RIMS1: variants seen among roughly 807,000 people sequenced by gnomAD.
The protein encoded by RIMS1 is regulating synaptic membrane exocytosis protein 1.
Under a neutral mutation model 214.1 loss-of-function variants are expected in RIMS1, and 83 were observed. The ratio of observed to expected loss-of-function variants is 0.39; its 90% confidence interval spans 0.32 to 0.47. RIMS1 has a LOEUF of 0.47. Among genes scored for constraint, RIMS1 ranks in the 20% least tolerant of loss-of-function variants. The pLI is 0.99. For synonymous variants in RIMS1, 793 were observed against 786.8 expected, an observed-to-expected ratio of 1.01 and a Z score of -0.13; for missense variants, 2,050 against 2,161.8, an observed-to-expected ratio of 0.95 and a Z score of 1.03.
At chr6:72,046,605 G>A (rs1427462832) in intron 2 of RIMS1, among the ~76,000 whole-genome samples, 1 of 152,002 alleles carries the variant, frequency 6.6e-6, no homozygotes, top group African/African-American at 2.4e-5. Flanking sequence ...ATGGAACAGG[G>A]CAAGGTTGTT....
At chr6:72,107,335 T>C (rs2034967900) in intron 4 of RIMS1, among the ~76,000 whole-genome samples, 1 of 151,690 alleles carries the variant, frequency 6.6e-6, no homozygotes. Context: ...CTGCGGGGAG[T>C]GGATCACCTG....
intron 28 of RIMS1, among the ~76,000 whole-genome samples, chr6:72,327,984 C>T (rs2154332375): frequency 6.6e-6 from 1 of 151,900 alleles, no homozygotes. Flanking sequence ...AAATACCATT[C>T]TACTATAAAG....
intron 2 of RIMS1, among the ~76,000 whole-genome samples, chr6:72,015,722 C>T (rs981274829): frequency 3.3e-5 from 5 of 151,958 alleles, no homozygotes; most frequent in African/African-American, 7.3e-5. Flanking sequence ...GTCAGGAGAT[C>T]GAGACCATCC....
At chr6:72,069,643 A>C (rs373743372) in intron 2 of RIMS1, among the ~76,000 whole-genome samples, 1 of 152,138 alleles carries the variant, frequency 6.6e-6, no homozygotes, top group Admixed American at 6.5e-5. Flanking sequence ...CCTATGATCT[A>C]TATGTTGCTG....
At chr6:71,900,206 A>C (rs941460242) in intron 1 of RIMS1, among the ~76,000 whole-genome samples, 2 of 152,056 alleles carry the variant, frequency 1.3e-5, no homozygotes, top group Admixed American at 1.3e-4. Context: ...TCTAGAAGTA[A>C]AGAATGAGAG....
chr6:72,110,361 A>G (rs1282001047), intron 4 of RIMS1, among the ~76,000 whole-genome samples: 2 of 151,796 alleles, frequency 1.3e-5, no homozygotes, highest in African/African-American at 4.8e-5. Flanking sequence ...ATTTGTTTGT[A>G]TCCTCTTTTA....
At chr6:72,148,146 G>A (rs2042997479) in intron 4 of RIMS1, among the ~76,000 whole-genome samples, 1 of 152,130 alleles carries the variant, frequency 6.6e-6, no homozygotes, top group Non-Finnish European at 1.5e-5. Context: ...TTCCAGTTTG[G>A]GGGATTCATC....
chr6:72,303,585 A>ACAT (rs1405590672), intron 26 of RIMS1, among the ~76,000 whole-genome samples: 3 of 151,334 alleles, frequency 2.0e-5, no homozygotes, highest in African/African-American at 7.2e-5. Flanking sequence ...AAATTATTTC[A>ACAT]CAGATATGGT....
At chr6:71,983,587 T>C (rs901092859) in intron 2 of RIMS1, among the ~76,000 whole-genome samples, 2 of 152,152 alleles carry the variant, frequency 1.3e-5, no homozygotes, top group Non-Finnish European at 2.9e-5. Context: ...AAATAAGTCA[T>C]CAGATGTGGT....
chr6:71,943,721 T>C (rs982692432), intron 1 of RIMS1, among the ~76,000 whole-genome samples: 13 of 152,188 alleles, frequency 8.5e-5, no homozygotes, highest in Admixed American at 8.5e-4. Flanking sequence ...TTATTATAAA[T>C]GTCAAAATTG....
intron 1 of RIMS1, among the ~76,000 whole-genome samples, chr6:71,893,999 T>G (rs1250603751): frequency 6.6e-6 from 1 of 152,264 alleles, no homozygotes; most frequent in Non-Finnish European, 1.5e-5. Context: ...TTTTAAATCT[T>G]GCTTTCTCTT....
intron 1 of RIMS1, among the ~76,000 whole-genome samples, chr6:71,916,017 G>T (rs4706496): frequency 1.3e-5 from 2 of 151,900 alleles, no homozygotes; most frequent in East Asian, 3.9e-4. Context: ...ACCTCCCACC[G>T]GGTCCATCCC....
intron 4 of RIMS1, among the ~76,000 whole-genome samples, chr6:72,102,777 G>C (rs1474064995): frequency 6.6e-6 from 1 of 151,926 alleles, no homozygotes; most frequent in Non-Finnish European, 1.5e-5. Context: ...GTGATGATTT[G>C]TTTCTTTCTC....
intron 1 of RIMS1, among the ~76,000 whole-genome samples, chr6:71,907,553 T>G (rs191068564): frequency 6.6e-6 from 1 of 152,172 alleles, no homozygotes; most frequent in East Asian, 1.9e-4. Flanking sequence ...CACACAAAAT[T>G]AGAAGTGATA....
At chr6:72,313,440 C>A (rs1314670286) in intron 27 of RIMS1, 66 bp from the exon 28 acceptor site, 1 of 1,457,946 alleles carries the variant, frequency 6.9e-7, no homozygotes, top group Non-Finnish European at 9.5e-7. Flanking sequence ...AGTCATTCAT[C>A]TCACCATCTA....
chr6:72,263,141 A>G, intron 19 of RIMS1: 1 of 984,578 alleles, frequency 1.0e-6, no homozygotes. Context: ...TGAGTCAAAT[A>G]CATTTTGGAA....
chr6:71,931,261 A>T (rs1054673239), intron 1 of RIMS1, among the ~76,000 whole-genome samples: 1 of 152,068 alleles, frequency 6.6e-6, no homozygotes, highest in African/African-American at 2.4e-5. Context: ...ACTCTAATTT[A>T]CATATGCTTA....
At chr6:72,132,669 A>G (rs2040627361) in intron 4 of RIMS1, among the ~76,000 whole-genome samples, 1 of 151,986 alleles carries the variant, frequency 6.6e-6, no homozygotes, top group African/African-American at 2.4e-5. Context: ...GTATTACTCA[A>G]ATATGGTCAC....
chr6:72,253,840 A>G (rs2074561671), intron 16 of RIMS1, among the ~76,000 whole-genome samples: 1 of 152,090 alleles, frequency 6.6e-6, no homozygotes, highest in South Asian at 2.1e-4. Flanking sequence ...TTTGTTCCCT[A>G]TAATTCAGAG....
Sources: gnomAD v4.1 joint callset for allele counts (sites outside exome capture counted in the v4.1 genomes callset) on GRCh38, gnomAD v4.1.1 for gene constraint, MANE v1.5 for transcripts, NCBI Gene and HGNC (gene_info 2026-07-23, HGNC 2026-07-21) for gene names.